ZNF560: variants seen among roughly 807,000 people sequenced by gnomAD.
The protein encoded by ZNF560 is zinc finger protein 560.
A neutral mutation model predicts 81.8 loss-of-function variants in ZNF560; 54 were observed. That is an observed-to-expected ratio of 0.66 (90% CI 0.53 to 0.83). The LOEUF is 0.83. ZNF560 is among the 40% of genes least tolerant of loss of function. ZNF560 has a pLI of 0.00. For synonymous variants in ZNF560, 321 were observed against 317.9 expected (o/e 1.01, Z -0.10); for missense variants, 940 against 932.4 (o/e 1.01, Z -0.11).
chr19:9,470,561 C>T (rs1157834329), intron 6 of ZNF560, 43 bp from the exon 7 acceptor site: 1 of 1,613,920 alleles, frequency 6.2e-7, no homozygotes, highest in East Asian at 2.2e-5. Flanking sequence ...AGCAACATCT[C>T]CACCAATGTT....
chr19:9,467,462 T>A lies in ZNF560; in HGVS notation c.1485A>T (p.Lys495Asn). Residue 495 changes from lysine (K) to asparagine (N), a missense_variant, in exon 10 of 10, where the codon AAA (lysine) becomes AAT (asparagine). By Grantham distance (94) the Lys-to-Asn change is moderately conservative (BLOSUM62 0). Transcript: ENST00000301480. ...QKRFDCDQCGKVFVSFSSLFA... is the reference protein window; with the variant it reads ...QKRFDCDQCGNVFVSFSSLFA... The stretch of plus-strand genomic sequence containing the variant: ...AAAGAGATGAGAAAGAAACAAAGAC[T>A]TTCCCACACTGGTCACAATCAAAGC... The A allele has an allele frequency of 6.2e-7, 1 of 1,614,100 alleles. No homozygotes were observed. Among genetic ancestry groups the A allele is most frequent in the Non-Finnish European group, 8.5e-7 (1 of 1,180,004 alleles).
the ZNF560 span, among the ~76,000 whole-genome samples, chr19:9,459,559 T>C: frequency 6.6e-6 from 1 of 151,916 alleles, no homozygotes; most frequent in African/African-American, 2.4e-5. Flanking sequence ...ATGAGACAAG[T>C]TAAGAGTTCA....
Position 9,469,924 on chromosome 19 carries a change from C to T in ZNF560, c.449-214G>A, listed in dbSNP as rs2073095582. 4 of 533,074 alleles carry T rather than the reference C, an allele frequency of 7.5e-6. No homozygotes were observed. In the South Asian group the frequency reaches 1.2e-4, roughly 16 times the overall value. The allele number at this position is 533,074 out of a possible 1,614,324, so 33.0% of individuals were successfully genotyped here. On this transcript the variant is annotated intron_variant, in intron 7 of 9. Coordinates refer to ENST00000301480, the MANE Select transcript of ZNF560 (RefSeq NM_152476.3). ...TTTCCTGTTTGCCCCAAGAAACAAG[C>T]ACTAGCAGTGAGCTGCACTTTTTCT...
intron 2 of ZNF560, among the ~76,000 whole-genome samples, chr19:9,492,404 G>A (rs1772844459): frequency 6.6e-6 from 1 of 152,188 alleles, no homozygotes; most frequent in Non-Finnish European, 1.5e-5. Context: ...TATAGGATTT[G>A]TATAGAGGCA....
intron 8 of ZNF560, 77 bp downstream of exon 8, chr19:9,469,553 T>C: frequency 7.5e-7 from 1 of 1,325,106 alleles, no homozygotes; most frequent in Non-Finnish European, 1.1e-6. Context: ...TCAAAGGGCA[T>C]CTTATAAAAC....
At chr19:9,465,778 AG>A (rs1378497993), downstream of ZNF560, among the ~76,000 whole-genome samples, 3 of 152,160 alleles carry the variant, frequency 2.0e-5, no homozygotes, top group Admixed American at 2.0e-4. Context: ...AGATTACCTG[AG>A]GTCAGGACTT....
intron 2 of ZNF560, among the ~76,000 whole-genome samples, chr19:9,480,548 C>T (rs896973719): frequency 6.0e-5 from 9 of 151,180 alleles, no homozygotes; most frequent in Admixed American, 5.9e-4. Context: ...AAGACCAGAA[C>T]TGAAATAAAT....
At position 9,466,559 on chromosome 19, in the gene ZNF560, C is replaced by A; in HGVS notation, c.*15G>T. 1 of 1,559,280 alleles carries A rather than the reference C, an allele frequency of 6.4e-7. No homozygotes were observed. The highest frequency in any genetic ancestry group is 8.7e-7 in the Non-Finnish European group (1 of 1,153,772). On this transcript the variant is annotated 3_prime_UTR_variant, in exon 10 of 10. Coordinates refer to ENST00000301480, the MANE Select transcript of ZNF560 (RefSeq NM_152476.3). ...AAAGGTTTTTCCACATTCTTCACAT[C>A]CACAGGGCTTCTCTCTAGTGTGTTT...
Position 9,471,323 on chromosome 19 carries a change from T to C in ZNF560, c.294A>G (p.Lys98=). 1 of 1,601,738 alleles carries C rather than the reference T, an allele frequency of 6.2e-7. No homozygotes were observed. Among genetic ancestry groups the C allele is most frequent in the Non-Finnish European group, 8.5e-7 (1 of 1,175,348 alleles). The change falls in exon 6 of 10, where the codon AAA becomes AAG. Residue 98 remains lysine, a synonymous_variant. Coordinates refer to ENST00000301480, the MANE Select transcript of ZNF560 (RefSeq NM_152476.3). ...TTTGTATCCCATTAGAAGTTTGTATTTTCCAAAACTCCTGCTGCAGTGCTG... is the reference window on the plus strand; with the variant it reads ...TTTGTATCCCATTAGAAGTTTGTATCTTCCAAAACTCCTGCTGCAGTGCTG... ...SVSALQQEFW[K]IQTSNGIQMD... is the part of the protein sequence containing the mutation.
intron 2 of ZNF560, among the ~76,000 whole-genome samples, chr19:9,478,637 AAAAT>A (rs1200489325): frequency 1.3e-5 from 2 of 152,168 alleles, no homozygotes. Context: ...CAATATCAGA[AAAAT>A]AAAATGAGGA....
chr19:9,474,317 C>G lies in ZNF560; in HGVS notation c.39G>C (p.Val13=), dbSNP rs368103962. The change falls in exon 4 of 10, where the codon GTG becomes GTC. Residue 13 remains valine, a synonymous_variant. Coordinates refer to ENST00000301480, the MANE Select transcript of ZNF560 (RefSeq NM_152476.3). ...YCLTNCYQYS[V]TFEDTAVDFT... ...AGTCCACAGCTGTATCCTCAAAGGTCACGGAGTACTAAACCATCACATACA... is the reference window on the plus strand; with the variant it reads ...AGTCCACAGCTGTATCCTCAAAGGTGACGGAGTACTAAACCATCACATACA... 3.7e-6 allele frequency: 6 copies of G among 1,612,676 alleles called. No homozygotes were observed. Among genetic ancestry groups the G allele is most frequent in the Non-Finnish European group, 5.1e-6 (6 of 1,179,288 alleles).
In ZNF560 at chr19:9,469,105, C is replaced by T; in HGVS notation, c.612G>A (p.Leu204=). The change falls in exon 9 of 10, where the codon TTG becomes TTA. Residue 204 remains leucine, a splice_region_variant and synonymous_variant. Transcript: ENST00000301480. ...AAGAAAGTTCTTTTGTTAATCTTAC[C>T]AACTGTATCCCATTTAATGTTTTTA... ...FCLKTLNGIQ[L]ARNQNGEELY... 6.3e-7 allele frequency: 1 copy of T among 1,582,718 alleles called. No homozygotes were observed. The highest frequency in any genetic ancestry group is 8.6e-7 in the Non-Finnish European group (1 of 1,163,974).
intron 2 of ZNF560, among the ~76,000 whole-genome samples, chr19:9,487,740 C>A (rs1836611793): frequency 6.6e-6 from 1 of 152,144 alleles, no homozygotes; most frequent in South Asian, 2.1e-4. Flanking sequence ...CAGGGGAGGG[C>A]CAACAGAAGA....
the ZNF560 span, among the ~76,000 whole-genome samples, chr19:9,461,228 T>C: frequency 6.6e-6 from 1 of 152,166 alleles, no homozygotes; most frequent in Non-Finnish European, 1.5e-5. Flanking sequence ...CCTCCTTTTG[T>C]TGGTAATGGG....
In ZNF560 at chr19:9,490,977, T is replaced by C. The variant is rs191104700; in HGVS notation, c.-57+7151A>G. ...AGAGGTTTTGCTATTACACAAAACA[T>C]TGCAACACTCCATCACATTGAAAAT... On this transcript the variant is annotated intron_variant, in intron 2 of 9. Coordinates refer to ENST00000301480, the MANE Select transcript of ZNF560 (RefSeq NM_152476.3). 5.3e-4 allele frequency among the ~76,000 whole-genome samples: 80 copies of C among 152,314 alleles called. 1 individual carries two copies. The highest frequency in any genetic ancestry group is 1.9e-3 in the African/African-American group (78 of 41,570).
At chr19:9,459,366 A>G in the ZNF560 span, among the ~76,000 whole-genome samples, 1 of 152,208 alleles carries the variant, frequency 6.6e-6, no homozygotes, top group African/African-American at 2.4e-5. Flanking sequence ...GAAAGGACCC[A>G]ATAACAAAAG....
At chr19:9,496,830 A>G (rs968774503) in intron 2 of ZNF560, among the ~76,000 whole-genome samples, 20 of 151,670 alleles carry the variant, frequency 1.3e-4, no homozygotes, top group Non-Finnish European at 7.4e-5. Context: ...CAGCTACTCA[A>G]AAGGCTGAGG....
At chr19:9,453,279 A>G in the ZNF560 span, among the ~76,000 whole-genome samples, 2 of 152,230 alleles carry the variant, frequency 1.3e-5, no homozygotes, top group East Asian at 3.8e-4. Flanking sequence ...TACAGCCTCC[A>G]TAGCACTGAG....
intron 7 of ZNF560, 176 bp from the exon 8 acceptor site, chr19:9,469,886 C>G (rs959121870): frequency 5.2e-6 from 3 of 581,758 alleles, no homozygotes; most frequent in Non-Finnish European, 9.2e-6. Flanking sequence ...AATTCACATT[C>G]AAGCTTAACT....
Sources: allele counts gnomAD v4.1 joint callset (sites outside exome capture counted in the v4.1 genomes callset), GRCh38; gene constraint gnomAD v4.1.1; transcripts MANE v1.5; gene names NCBI Gene and HGNC (gene_info 2026-07-23, HGNC 2026-07-21).